Variants in GRIN2B observed in about 807,000 individuals in gnomAD.
GRIN2B encodes the protein glutamate ionotropic receptor NMDA type subunit 2B.
GRIN2B carries 5 observed loss-of-function variants against 114.5 expected under a neutral mutation model. The observed-to-expected ratio is 0.04, with a 90% CI of 0.02 to 0.09. GRIN2B has a LOEUF of 0.09. Among genes scored for constraint, GRIN2B ranks in the 10% least tolerant of loss-of-function variants. GRIN2B has a pLI of 1.00. For missense variants in GRIN2B, 1,108 were observed against 1,943.5 expected, an observed-to-expected ratio of 0.57 and a Z score of 8.08; for synonymous variants, 787 against 745.1, an observed-to-expected ratio of 1.06 and a Z score of -0.92.
intron 3 of GRIN2B, among the ~76,000 whole-genome samples, chr12:13,845,221 G>C (rs528655301): frequency 6.6e-6 from 1 of 152,202 alleles, no homozygotes; most frequent in Non-Finnish European, 1.5e-5. Context: ...CTTTCCATCT[G>C]TCTGCCTACG....
At chr12:13,905,853 G>T (rs1290126977) in intron 2 of GRIN2B, among the ~76,000 whole-genome samples, 1 of 152,118 alleles carries the variant, frequency 6.6e-6, no homozygotes, top group Non-Finnish European at 1.5e-5. Context: ...CCCATCCCCA[G>T]CCCCGTTCTG....
chr12:13,910,712 G>A (rs1866614859), intron 2 of GRIN2B, among the ~76,000 whole-genome samples: 1 of 152,160 alleles, frequency 6.6e-6, no homozygotes, highest in Admixed American at 6.5e-5. Context: ...TCTGTTTAAA[G>A]ATTCTTCAGT....
intron 3 of GRIN2B, among the ~76,000 whole-genome samples, chr12:13,800,536 C>A (rs552601420): frequency 6.6e-6 from 1 of 152,160 alleles, no homozygotes; most frequent in Non-Finnish European, 1.5e-5. Context: ...TGGTTATTAA[C>A]CACGGTTTAA....
intron 2 of GRIN2B, among the ~76,000 whole-genome samples, chr12:13,883,884 T>C (rs1436946236): frequency 1.3e-5 from 2 of 152,318 alleles, no homozygotes; most frequent in African/African-American, 2.4e-5. Context: ...GATTTTCTCC[T>C]GTTTTCCTCT....
chr12:13,817,336 T>C (rs1344013991), intron 3 of GRIN2B, among the ~76,000 whole-genome samples: 1 of 108,208 alleles, frequency 9.2e-6, no homozygotes, highest in Non-Finnish European at 2.4e-5. Context: ...GCCCACTGAC[T>C]GGGAGCAAAC....
intron 2 of GRIN2B, among the ~76,000 whole-genome samples, chr12:13,960,937 T>G (rs1439985949): frequency 6.6e-6 from 1 of 152,142 alleles, no homozygotes; most frequent in African/African-American, 2.4e-5. Flanking sequence ...CAGCAAAGTG[T>G]GATGACACCA....
chr12:13,666,708 G>A (rs906157713), intron 5 of GRIN2B, among the ~76,000 whole-genome samples: 52 of 152,196 alleles, frequency 3.4e-4, no homozygotes, highest in African/African-American at 1.2e-3. Context: ...TTTCTGGCCA[G>A]CTCTCATAAA....
intron 5 of GRIN2B, among the ~76,000 whole-genome samples, chr12:13,651,216 C>T (rs2284403): frequency 0.064 from 9,767 of 152,042 alleles, 410 homozygotes; most frequent in East Asian, 0.17. Flanking sequence ...CAGGGATGGC[C>T]TATGGTAGAA....
rs113392130 is a variant in GRIN2B, at chr12:13,738,989, G to C, written c.1010+14328C>G. On this transcript the variant is annotated intron_variant, in intron 4 of 13. Coordinates refer to ENST00000609686, the MANE Select transcript of GRIN2B (RefSeq NM_000834.5). Reference sequence around the variant, plus strand: ...TCAAAACACAGAAAAATGAAAACATGGTGAAGACAGCACGGGAGGAAGTCA... The same window carrying C: ...TCAAAACACAGAAAAATGAAAACATCGTGAAGACAGCACGGGAGGAAGTCA... 4.4e-3 allele frequency among the ~76,000 whole-genome samples: 663 copies of C among 152,222 alleles called. 5 individuals are homozygous for C. Among genetic ancestry groups the C allele is most frequent in the African/African-American group, 0.015 (611 of 41,524 alleles).
At chr12:13,666,676 T>C (rs1318947092) in intron 5 of GRIN2B, among the ~76,000 whole-genome samples, 1 of 152,180 alleles carries the variant, frequency 6.6e-6, no homozygotes, top group African/African-American at 2.4e-5. Context: ...TCTTCCTGTA[T>C]ACATGAATTA....
In GRIN2B at chr12:13,753,307, C is replaced by A. The variant is rs1435186399; in HGVS notation, c.1010+10G>T. 1 of 1,446,694 alleles carries A rather than the reference C, an allele frequency of 6.9e-7. No homozygotes were observed. The highest frequency in any genetic ancestry group is 9.7e-7 in the Non-Finnish European group (1 of 1,027,334). 89.6% of individuals were successfully genotyped at this position (1,446,694 alleles called of 1,614,324 possible). A position where few individuals can be genotyped will look rare whatever the true frequency, so the allele number is the denominator to read the frequency against. On this transcript the variant is annotated intron_variant, in intron 4 of 13. Transcript: ENST00000609686. This position sits in a 1 kb window ranked among gnomAD's most constrained non-coding sequence, Gnocchi z 6.2. ...CTCCACCATCAATGTGCCCTCTGTTCCACACTCACCTATTTAGCATATTGG... is the reference window on the plus strand; with the variant it reads ...CTCCACCATCAATGTGCCCTCTGTTACACACTCACCTATTTAGCATATTGG...
chr12:13,787,812 C>T (rs903236210), intron 3 of GRIN2B, among the ~76,000 whole-genome samples: 1 of 152,136 alleles, frequency 6.6e-6, no homozygotes, highest in Non-Finnish European at 1.5e-5. Flanking sequence ...GCTGATCAAT[C>T]CCCAATCCAT....
chr12:13,920,907 A>C (rs1866811432), intron 2 of GRIN2B, among the ~76,000 whole-genome samples: 1 of 152,168 alleles, frequency 6.6e-6, no homozygotes, highest in Non-Finnish European at 1.5e-5. Context: ...GTGAATCCTG[A>C]CTAATACATT....
chr12:13,924,109 G>T lies in GRIN2B; in HGVS notation c.-19+55819C>A, dbSNP rs759953961. Among the ~76,000 whole-genome samples the T allele has an allele frequency of 4.1e-4, 63 of 152,104 alleles. 1 individual carries two copies. The highest frequency in any genetic ancestry group is 6.2e-4 in the Non-Finnish European group (42 of 68,026). ...AATCTATAACCTGTGCCTCTGGGGGGACTAGTCAGTGCCACATTCTGGTTG... is the reference window on the plus strand; with the variant it reads ...AATCTATAACCTGTGCCTCTGGGGGTACTAGTCAGTGCCACATTCTGGTTG... On this transcript the variant is annotated intron_variant, in intron 2 of 13. Coordinates refer to ENST00000609686, the MANE Select transcript of GRIN2B (RefSeq NM_000834.5).
chr12:13,891,115 C>A (rs1168567711), intron 2 of GRIN2B, among the ~76,000 whole-genome samples: 1 of 152,022 alleles, frequency 6.6e-6, no homozygotes, highest in Non-Finnish European at 1.5e-5. Flanking sequence ...TGTGCAATGC[C>A]CTGGATACTG....
At chr12:13,704,599 C>CT (rs533086383) in intron 4 of GRIN2B, among the ~76,000 whole-genome samples, 118 of 152,210 alleles carry the variant, frequency 7.8e-4, no homozygotes, top group African/African-American at 2.7e-3. Context: ...TCTAGTGCCC[C>CT]CCAAATCCTA....
chr12:13,721,572 G>A (rs1011849517), intron 4 of GRIN2B, among the ~76,000 whole-genome samples: 12 of 151,980 alleles, frequency 7.9e-5, no homozygotes, highest in African/African-American at 2.7e-4. Flanking sequence ...CTGAGTTGGG[G>A]AAGACTAGAA....
At chr12:13,624,763 G>A (rs1356796945) in intron 5 of GRIN2B, among the ~76,000 whole-genome samples, 2 of 152,066 alleles carry the variant, frequency 1.3e-5, no homozygotes, top group African/African-American at 2.4e-5. Flanking sequence ...TTGCCATCTC[G>A]GGCCTCAGAT....
chr12:13,845,007 C>T (rs1865445016), intron 3 of GRIN2B, among the ~76,000 whole-genome samples: 1 of 152,124 alleles, frequency 6.6e-6, no homozygotes, highest in South Asian at 2.1e-4. Context: ...AATTTCTCTG[C>T]ATACTTGAGC....
Sources: gnomAD v4.1 joint callset for allele counts (sites outside exome capture counted in the v4.1 genomes callset) on GRCh38, gnomAD v4.1.1 for gene constraint, Gnocchi (gnomAD v3.1) non-coding constraint, MANE v1.5 for transcripts, NCBI Gene and HGNC (gene_info 2026-07-23, HGNC 2026-07-21) for gene names.